The following CCDC150 variants were observed in gnomAD, a reference collection of about 807,000 sequenced individuals.
CCDC150 encodes coiled-coil domain containing 150.
A neutral mutation model predicts 156.5 loss-of-function variants in CCDC150; 151 were observed. The ratio of observed to expected loss-of-function variants is 0.97; its 90% CI spans 0.85 to 1.10. CCDC150 has a LOEUF of 1.10. CCDC150 is among the 50% of genes least tolerant of loss of function. The pLI, the probability that CCDC150 is intolerant of heterozygous loss-of-function variation, is 0.00. For missense variants in CCDC150, 1,312 were observed against 1,268.1 expected, an observed-to-expected ratio of 1.03 and a Z score of -0.53; for synonymous variants, 452 against 429.4, an observed-to-expected ratio of 1.05 and a Z score of -0.65.
chr2:196,703,058 T>A (rs1696347470), intron 15 of CCDC150, among the ~76,000 whole-genome samples: 1 of 152,166 alleles, frequency 6.6e-6, no homozygotes, highest in African/African-American at 2.4e-5. Context: ...CCCAAATACC[T>A]CTTAAAGGTC....
Position 196,666,743 on chromosome 2 carries a change from A to G in CCDC150, c.787A>G (p.Ile263Val), listed in dbSNP as rs760131851. The G allele has an allele frequency of 2.5e-6, 4 of 1,606,420 alleles. No individual in the cohort carries two copies. The South Asian group carries it at 4.5e-5, about 18-fold the overall frequency. ...GGTGCACATTTTGCAGCAAAACTGCATTGCTCTACGTGATTCTATACAGAG... is the reference window on the plus strand; with the variant it reads ...GGTGCACATTTTGCAGCAAAACTGCGTTGCTCTACGTGATTCTATACAGAG... ...KQVHILQQNC[I>V]ALRDSIQSAQ... is the part of the protein sequence containing the mutation. Residue 263 changes from isoleucine (I) to valine (V), a missense_variant, in exon 7 of 28, where the codon ATT (isoleucine) becomes GTT (valine). Ile to Val is a conservative substitution (Grantham distance 29). Transcript: ENST00000389175.
At chr2:196,704,735 G>A (rs1296821662) in intron 15 of CCDC150, among the ~76,000 whole-genome samples, 1 of 152,096 alleles carries the variant, frequency 6.6e-6, no homozygotes, top group African/African-American at 2.4e-5. Context: ...GGGGTGTGAT[G>A]TTCCCTGCCC....
chr2:196,656,828 A>G lies in CCDC150; in HGVS notation c.372A>G (p.Glu124=). 1 of 1,613,896 alleles carries G rather than the reference A, an allele frequency of 6.2e-7. No individual in the cohort carries two copies. The change falls in exon 3 of 28, where the codon GAA becomes GAG. Residue 124 remains glutamate, a synonymous_variant. Coordinates refer to ENST00000389175, the MANE Select transcript of CCDC150 (RefSeq NM_001080539.2). ...LKMNIFRLQT[E]KDLNPQKTAF... is the part of the protein sequence containing the mutation. The stretch of plus-strand genomic sequence containing the variant: ...TGAACATCTTTCGGCTGCAAACTGA[A>G]AAGGATTTGAATCCTCAGAAAACAG...
At chr2:196,661,041 T>C (rs1256968963) in intron 5 of CCDC150, among the ~76,000 whole-genome samples, 1 of 152,228 alleles carries the variant, frequency 6.6e-6, no homozygotes, top group Non-Finnish European at 1.5e-5. Context: ...CCAGCACCAT[T>C]TGTTGAAAAG....
rs1007287998 is a variant in CCDC150 at position 196,639,724 on chromosome 2, G to T, written c.-43G>T. The T allele has an allele frequency of 3.4e-5, 51 of 1,518,544 alleles. No individual in the cohort carries two copies. Among genetic ancestry groups the T allele is most frequent in the Non-Finnish European group, 3.8e-5 (43 of 1,124,754 alleles). 94.1% of individuals were successfully genotyped at this position (1,518,544 alleles called of 1,614,324 possible). On this transcript the variant is annotated 5_prime_UTR_variant, in exon 1 of 28. Transcript: ENST00000389175. ...TTTAAAATGCTGTGTTAGTTCCACG[G>T]AAACCCGCTCGCCTGCTGCAGTACG...
At chr2:196,716,461 C>A (rs1022361888) in intron 17 of CCDC150, among the ~76,000 whole-genome samples, 1 of 152,176 alleles carries the variant, frequency 6.6e-6, no homozygotes, top group Non-Finnish European at 1.5e-5. Context: ...GAATAACTCT[C>A]AAAATAATTA....
At chr2:196,641,085 T>C (rs1692196117) in intron 1 of CCDC150, among the ~76,000 whole-genome samples, 3 of 152,138 alleles carry the variant, frequency 2.0e-5, no homozygotes, top group Non-Finnish European at 2.9e-5. Context: ...GCCTCAGCCA[T>C]CCGAGTAGCT....
intron 13 of CCDC150, among the ~76,000 whole-genome samples, chr2:196,682,578 A>G (rs966025353): frequency 6.6e-6 from 1 of 152,104 alleles, no homozygotes; most frequent in East Asian, 1.9e-4. Flanking sequence ...CAATAATACA[A>G]TTTGTTGTAT....
In CCDC150 at chr2:196,665,603, G is replaced by T; in HGVS notation, c.682G>T (p.Glu228Ter). ...ACTGGCTCAGGAGAAGTACCTTAGG[G>T]AATCTTTAGAGAAATCAGCATCAGC... ...RQLAQEKYLR[E>*]SLEKSASAML... The change falls in exon 6 of 28, where the codon GAA (glutamate) becomes TAA (stop). Residue 228 changes from glutamate to a stop codon, truncating the protein, a stop_gained. Transcript: ENST00000389175. LOFTEE classifies it high-confidence loss of function. The T allele has an allele frequency of 1.2e-6, 2 of 1,605,424 alleles. No individual in the cohort carries two copies. The highest frequency in any genetic ancestry group is 2.2e-5 in the East Asian group (1 of 44,556).
intron 6 of CCDC150, 32 bp downstream of exon 6, chr2:196,665,715 G>A: frequency 1.5e-6 from 2 of 1,347,858 alleles, no homozygotes; most frequent in South Asian, 1.4e-5. Context: ...ATGTGGTTTG[G>A]GAAATGAAAC....
intron 21 of CCDC150, 73 bp downstream of exon 21, chr2:196,721,764 T>A: frequency 8.2e-7 from 1 of 1,221,828 alleles, no homozygotes; most frequent in Non-Finnish European, 1.1e-6. Flanking sequence ...CATAAATGGC[T>A]CATTCGCATA....
intron 5 of CCDC150, among the ~76,000 whole-genome samples, chr2:196,665,145 C>CT (rs922373443): frequency 7.2e-5 from 11 of 152,230 alleles, no homozygotes; most frequent in Non-Finnish European, 1.3e-4. Flanking sequence ...GTTTTTCAAA[C>CT]TTTTTTTGAC....
At chr2:196,723,388 C>T (rs929709593) in intron 21 of CCDC150, among the ~76,000 whole-genome samples, 3 of 151,966 alleles carry the variant, frequency 2.0e-5, no homozygotes, top group Non-Finnish European at 4.4e-5. Context: ...CCCAGCTACT[C>T]GGGAGGCTAA....
intron 13 of CCDC150, 53 bp downstream of exon 13, chr2:196,677,414 G>A: frequency 8.7e-7 from 1 of 1,150,966 alleles, no homozygotes. Flanking sequence ...CTGTATTGCT[G>A]ACTACCGTAT....
In CCDC150 at chr2:196,690,829, T is replaced by C. The variant is rs189511705; in HGVS notation, c.1510-4217T>C. Among the ~76,000 whole-genome samples the C allele has an allele frequency of 3.6e-3, 548 of 152,324 alleles. 2 individuals are homozygous for C. The highest frequency in any genetic ancestry group is 5.4e-3 in the Non-Finnish European group (366 of 68,022). On this transcript the variant is annotated intron_variant, in intron 13 of 27. Coordinates refer to ENST00000389175, the MANE Select transcript of CCDC150 (RefSeq NM_001080539.2). Reference sequence around the variant, plus strand: ...TACCTTTTGTCAATTCAGTATGATATTGGCTGTGGGTTTGTCATAGATGGC... The same window carrying C: ...TACCTTTTGTCAATTCAGTATGATACTGGCTGTGGGTTTGTCATAGATGGC...
intron 10 of CCDC150, 81 bp downstream of exon 10, chr2:196,674,429 A>T: frequency 1.3e-6 from 1 of 750,212 alleles, no homozygotes; most frequent in Non-Finnish European, 2.2e-6. Flanking sequence ...CTGGAGAAAT[A>T]AAATATTTTA....
chr2:196,676,408 C>T, intron 11 of CCDC150, 141 bp downstream of exon 11: 1 of 1,319,036 alleles, frequency 7.6e-7, no homozygotes, highest in Non-Finnish European at 1.0e-6. Context: ...AAAATAAAGA[C>T]TCTGCCCTCA....
In CCDC150 at chr2:196,732,626, CG is replaced by C; in HGVS notation, c.*68del. On this transcript the variant is annotated 3_prime_UTR_variant, in exon 28 of 28. Transcript: ENST00000389175. ...TCCATGATTCCAAGAGCCCAGCAGC[CG>C]GGGCTGGCCTGTTTCTAGAGTCATA... 9.1e-7 allele frequency: 1 copy of C among 1,099,482 alleles called. No individual in the cohort carries two copies. Among genetic ancestry groups the C allele is most frequent in the Non-Finnish European group, 1.4e-6 (1 of 719,304 alleles). The allele number at this position is 1,099,482 out of a possible 1,614,324, so 68.1% of individuals were successfully genotyped here.
chr2:196,676,669 T>C lies in CCDC150; in HGVS notation c.1378T>C (p.Leu460=), dbSNP rs1282598087. 5 of 1,613,678 alleles carry C rather than the reference T, an allele frequency of 3.1e-6. No individual in the cohort carries two copies. The highest frequency in any genetic ancestry group is 2.2e-5 in the South Asian group (2 of 91,074). ...AACTATTGCAAGATTGCGAGGTGAA[T>C]TGGAAGCATCAATGCAAGAGAAGAA... ...ESTIARLRGE[L]EASMQEKKSL... is the part of the protein sequence containing the mutation. The change falls in exon 12 of 28, where the codon TTG becomes CTG. Residue 460 remains leucine (L), a synonymous_variant. Coordinates refer to ENST00000389175, the MANE Select transcript of CCDC150 (RefSeq NM_001080539.2).
Sources: gnomAD v4.1 joint callset for allele counts (sites outside exome capture counted in the v4.1 genomes callset) on GRCh38, gnomAD v4.1.1 for gene constraint, MANE v1.5 for transcripts, NCBI Gene and HGNC (gene_info 2026-07-23, HGNC 2026-07-21) for gene names.